Variants in MGMT observed in about 807,000 individuals in gnomAD.
MGMT encodes methylated-DNA--protein-cysteine methyltransferase.
A neutral mutation model predicts 15.9 loss-of-function variants in MGMT; 14 were observed. The observed-to-expected ratio is 0.88, with a 90% CI of 0.58 to 1.37. MGMT has a LOEUF of 1.37. Among genes scored for constraint, MGMT ranks in the 40% most tolerant of loss-of-function variants. MGMT has a pLI of 0.00. For synonymous variants in MGMT, 130 were observed against 118.2 expected (o/e 1.10, Z -0.65); for missense variants, 282 against 268.1 (o/e 1.05, Z -0.36).
intron 3 of MGMT, among the ~76,000 whole-genome samples, chr10:129,728,107 C>A (rs1564776150): frequency 2.0e-5 from 3 of 152,082 alleles, no homozygotes; most frequent in Non-Finnish European, 4.4e-5. Context: ...ATTGGACTGT[C>A]CAGGTGCTGG....
chr10:129,600,696 C>T (rs565093986), intron 2 of MGMT, among the ~76,000 whole-genome samples: 15 of 152,222 alleles, frequency 9.9e-5, no homozygotes, highest in Non-Finnish European at 7.4e-5. Context: ...ATAGGCTGCC[C>T]GCAAAATGGC....
chr10:129,626,647 G>A (rs565014449), intron 2 of MGMT, among the ~76,000 whole-genome samples: 19 of 152,190 alleles, frequency 1.2e-4, no homozygotes, highest in African/African-American at 3.6e-4. Context: ...CGTGCTCTCC[G>A]TGGAAATCTA....
chr10:129,610,758 G>C (rs1410942264), intron 2 of MGMT, among the ~76,000 whole-genome samples: 2 of 152,252 alleles, frequency 1.3e-5, no homozygotes, highest in East Asian at 3.9e-4. Flanking sequence ...GTAATATCTG[G>C]CTCATTAGGC....
chr10:129,601,022 A>T (rs1310632715), intron 2 of MGMT, among the ~76,000 whole-genome samples: 1 of 151,952 alleles, frequency 6.6e-6, no homozygotes, highest in Non-Finnish European at 1.5e-5. Context: ...GAAAGATTTT[A>T]AGGACCAGAT....
intron 2 of MGMT, among the ~76,000 whole-genome samples, chr10:129,626,830 A>T (rs569039416): frequency 6.6e-5 from 10 of 152,346 alleles, no homozygotes; most frequent in Admixed American, 6.5e-4. Flanking sequence ...TAACCCAGTG[A>T]AGTCAAAACT....
intron 2 of MGMT, among the ~76,000 whole-genome samples, chr10:129,545,609 G>C (rs1388140231): frequency 6.6e-6 from 1 of 152,186 alleles, no homozygotes; most frequent in Non-Finnish European, 1.5e-5. Context: ...CCATCCTCAG[G>C]ATGCCATTGC....
In MGMT at chr10:129,596,460, C is replaced by T. The variant is rs116077421; in HGVS notation, c.125+60083C>T. Among the ~76,000 whole-genome samples the T allele has an allele frequency of 2.3e-3, 345 of 152,256 alleles. 1 individual carries two copies. Among genetic ancestry groups the T allele is most frequent in the African/African-American group, 8.0e-3 (331 of 41,536 alleles). ...TCTGTTCAGACCCAACATGCACACC[C>T]TTCCTTCGGGATGTATCACCAAGAT... On this transcript the variant is annotated intron_variant, in intron 2 of 4. Transcript: ENST00000651593.
At chr10:129,740,931 T>C (rs1460757163) in intron 3 of MGMT, among the ~76,000 whole-genome samples, 1 of 152,206 alleles carries the variant, frequency 6.6e-6, no homozygotes, top group African/African-American at 2.4e-5. Context: ...TTTCCAGACC[T>C]ACGTTACCAT....
At chr10:129,651,273 C>A (rs1190584605) in intron 2 of MGMT, among the ~76,000 whole-genome samples, 5 of 152,152 alleles carry the variant, frequency 3.3e-5, no homozygotes. Context: ...GTACCTGCAG[C>A]ACCGGCGCTT....
In MGMT at chr10:129,559,069, C is replaced by G. The variant is rs142739660; in HGVS notation, c.125+22692C>G. On this transcript the variant is annotated intron_variant, in intron 2 of 4. Coordinates refer to ENST00000651593, the MANE Select transcript of MGMT (RefSeq NM_002412.5). Reference sequence around the variant, plus strand: ...GTTCTCCTGGAATATTTGCATCGACCAGGATGCTGTTTCTGCGTCGGAACG... The same window carrying G: ...GTTCTCCTGGAATATTTGCATCGACGAGGATGCTGTTTCTGCGTCGGAACG... Among the ~76,000 whole-genome samples the G allele has an allele frequency of 5.7e-3, 874 of 152,228 alleles. 5 individuals are homozygous for G. Among genetic ancestry groups the G allele is most frequent in the Non-Finnish European group, 8.6e-3 (587 of 68,020 alleles).
intron 2 of MGMT, among the ~76,000 whole-genome samples, chr10:129,570,026 G>T (rs1221700374): frequency 6.6e-6 from 1 of 152,210 alleles, no homozygotes; most frequent in Non-Finnish European, 1.5e-5. Context: ...TACATCTTTT[G>T]TCTGTGCGAA....
At chr10:129,733,807 T>G (rs1482477576) in intron 3 of MGMT, among the ~76,000 whole-genome samples, 1 of 152,232 alleles carries the variant, frequency 6.6e-6, no homozygotes, top group Non-Finnish European at 1.5e-5. Context: ...CACCATTTAT[T>G]AAATAGGGAA....
At chr10:129,728,310 G>T (rs1427496016) in intron 3 of MGMT, among the ~76,000 whole-genome samples, 1 of 152,190 alleles carries the variant, frequency 6.6e-6, no homozygotes, top group African/African-American at 2.4e-5. Context: ...GGACGTGAGC[G>T]ATGAACCCAT....
chr10:129,756,500 C>T (rs571515980), intron 3 of MGMT, among the ~76,000 whole-genome samples: 4 of 152,242 alleles, frequency 2.6e-5, no homozygotes, highest in Admixed American at 2.0e-4. Context: ...GACGGAGTCT[C>T]GCTCTGTCGC....
chr10:129,514,338 T>C (rs1179718395), intron 1 of MGMT, among the ~76,000 whole-genome samples: 1 of 152,230 alleles, frequency 6.6e-6, no homozygotes, highest in African/African-American at 2.4e-5. Context: ...TGCACAATAC[T>C]TTGTCATTGT....
In MGMT at chr10:129,768,449, C is replaced by T. The variant is rs1554885121; in HGVS notation, c.*1452C>T. On this transcript the variant is annotated 3_prime_UTR_variant, in exon 5 of 5. Coordinates refer to ENST00000651593, the MANE Select transcript of MGMT (RefSeq NM_002412.5). ...GGGCCTCCTTGCTCCTGGCAGGCCTCAGGTGCCGCACGCCGCGTCACCGTC... is the reference window on the plus strand; with the variant it reads ...GGGCCTCCTTGCTCCTGGCAGGCCTTAGGTGCCGCACGCCGCGTCACCGTC... Among the ~76,000 whole-genome samples the T allele has an allele frequency of 6.6e-6, 1 of 152,228 alleles. No individual in the cohort carries two copies. Among genetic ancestry groups the T allele is most frequent in the Non-Finnish European group, 1.5e-5 (1 of 68,036 alleles).
chr10:129,620,521 C>G (rs58081741), intron 2 of MGMT, among the ~76,000 whole-genome samples: 1 of 152,146 alleles, frequency 6.6e-6, no homozygotes. Flanking sequence ...CTAGTAGGTG[C>G]CTAATCACAT....
At chr10:129,537,111 A>G (rs1425282040) in intron 2 of MGMT, 5 of 151,794 alleles carry the variant, frequency 3.3e-5, no homozygotes, top group African/African-American at 7.3e-5. Flanking sequence ...CGTTCATTCT[A>G]TTAAAATTGT....
At chr10:129,740,593 C>CAGG (rs1451710813) in intron 3 of MGMT, among the ~76,000 whole-genome samples, 4 of 152,108 alleles carry the variant, frequency 2.6e-5, no homozygotes, top group Admixed American at 2.6e-4. Flanking sequence ...CTCATTTTAC[C>CAGG]AGGAGGAAAC....
Sources: allele counts gnomAD v4.1 joint callset (sites outside exome capture counted in the v4.1 genomes callset), GRCh38; gene constraint gnomAD v4.1.1; transcripts MANE v1.5; gene names NCBI Gene and HGNC (gene_info 2026-07-23, HGNC 2026-07-21).